Variants in TSPAN14 observed in about 807,000 individuals in gnomAD.
The protein encoded by TSPAN14 is tetraspanin 14.
In TSPAN14, 16 loss-of-function variants were observed where a neutral mutation model predicts 36.6. The ratio of observed to expected loss-of-function variants is 0.44; its 90% CI spans 0.30 to 0.66. The LOEUF (loss-of-function observed/expected upper bound fraction) is 0.66. Among genes scored for constraint, TSPAN14 ranks in the 30% least tolerant of loss-of-function variants. The pLI, the probability that TSPAN14 is intolerant of heterozygous loss-of-function variation, is 0.12. For synonymous variants in TSPAN14, 139 were observed against 143.8 expected, an observed-to-expected ratio of 0.97 and a Z score of 0.24; for missense variants, 231 against 355.1, an observed-to-expected ratio of 0.65 and a Z score of 2.81.
At position 80,509,855 on chromosome 10, in the gene TSPAN14, A is replaced by G. The variant is rs1870138; in HGVS notation, c.450+384A>G. On this transcript the variant is annotated intron_variant, in intron 5 of 8. Transcript: ENST00000429989. The surrounding 1 kb of genome is among the most constrained non-coding windows in gnomAD (Gnocchi z 4.7). ...TCTTCCCCCCGGCTCATGACTCACCATCTGACGCTATTCCTATCCCCTTCC... is the reference window on the plus strand; with the variant it reads ...TCTTCCCCCCGGCTCATGACTCACCGTCTGACGCTATTCCTATCCCCTTCC... 0.84 allele frequency: 147,550 copies of G among 176,140 alleles called. 62,143 individuals are homozygous for G. The highest frequency in any genetic ancestry group is 0.98 in the East Asian group (6,041 of 6,178). The allele number at this position is 176,140 out of a possible 1,614,324, so 10.9% of individuals were successfully genotyped here. A position where few individuals can be genotyped will look rare whatever the true frequency, so the allele number is the denominator to read the frequency against.
chr10:80,514,994 G>T (rs1451961979), intron 7 of TSPAN14, among the ~76,000 whole-genome samples: 1 of 152,120 alleles, frequency 6.6e-6, no homozygotes, highest in African/African-American at 2.4e-5. Context: ...ATTTGCCAGT[G>T]TCCTGATCTT....
chr10:80,456,388 C>CT (rs1845735595), intron 1 of TSPAN14, among the ~76,000 whole-genome samples: 1 of 152,168 alleles, frequency 6.6e-6, no homozygotes, highest in Admixed American at 6.5e-5. Context: ...GTGCTAGTCT[C>CT]TGAGGACTGG....
chr10:80,489,218 T>C (rs1281072192), exon 2 of TSPAN14: 1 of 1,567,394 alleles, frequency 6.4e-7, no homozygotes, highest in Non-Finnish European at 8.7e-7. Context: ...TCTCCGCAGA[T>C]TCTGCTTCTC....
At chr10:80,458,905 G>T (rs1485520796) in intron 1 of TSPAN14, among the ~76,000 whole-genome samples, 3 of 152,110 alleles carry the variant, frequency 2.0e-5, no homozygotes, top group African/African-American at 7.2e-5. Context: ...AGAGTGGACG[G>T]TGGTGAGGCA....
In TSPAN14 at chr10:80,482,852, C is replaced by G. The variant is rs1029049318; in HGVS notation, c.-17-6365C>G. ...TCTGGTTCAAGTGATTCTCCTGCCT[C>G]AGCTTCCCGAGTAGCTGGTATTACA... On this transcript the variant is annotated intron_variant, in intron 1 of 8. Transcript: ENST00000429989. Among the ~76,000 whole-genome samples, 5 of 151,004 alleles carry G rather than the reference C, an allele frequency of 3.3e-5. No individual in the cohort carries two copies. In the Admixed American group the frequency reaches 3.3e-4, roughly 10 times the overall value.
Position 80,500,314 on chromosome 10 carries a change from C to CTTTTTTTTT in TSPAN14, c.82-4390_82-4382dup, listed in dbSNP as rs144759161. Among the ~76,000 whole-genome samples, 52 of 47,890 alleles carry CTTTTTTTTT rather than the reference C, an allele frequency of 1.1e-3. 4 individuals are homozygous for CTTTTTTTTT. Among genetic ancestry groups the CTTTTTTTTT allele is most frequent in the Non-Finnish European group, 1.4e-3 (40 of 27,942 alleles). 31.4% of individuals were successfully genotyped at this position (47,890 alleles called of 152,430 possible). A position where few individuals can be genotyped will look rare whatever the true frequency, so the allele number is the denominator to read the frequency against. ...AATGAAAACAACACAAGGCCTTATT[C>CTTTTTTTTT]TTTTTTTTTTTTTTTTTTTTTTTTT... On this transcript the variant is annotated intron_variant, in intron 2 of 8. Transcript: ENST00000429989.
chr10:80,490,209 A>C (rs920357830), intron 2 of TSPAN14, among the ~76,000 whole-genome samples: 1 of 152,190 alleles, frequency 6.6e-6, no homozygotes, highest in African/African-American at 2.4e-5. Flanking sequence ...GATTTGGGGT[A>C]GAAGGGGTAC....
At chr10:80,483,282 G>A (rs1288095308) in intron 1 of TSPAN14, among the ~76,000 whole-genome samples, 2 of 152,168 alleles carry the variant, frequency 1.3e-5, no homozygotes, top group Non-Finnish European at 2.9e-5. Flanking sequence ...GTAATGGTAA[G>A]TGTGATGCTG....
chr10:80,519,514 A>ATTTTTTTTTTTTTT (rs3049195), exon 9 of TSPAN14: 1 of 146,724 alleles, frequency 6.8e-6, no homozygotes, highest in African/African-American at 2.6e-5. Context: ...GTTGATGATG[A>ATTTTTTTTTTTTTT]TTTTTTTTTT....
chr10:80,516,181 AC>A, intron 7 of TSPAN14, 22 bp from the exon 8 acceptor site: 2 of 1,614,144 alleles, frequency 1.2e-6, no homozygotes, highest in Non-Finnish European at 1.7e-6. Context: ...AAAGGCTCAG[AC>A]CCCTGTGGTG....
At chr10:80,505,187 A>G (rs2132042939) in intron 3 of TSPAN14, among the ~76,000 whole-genome samples, 1 of 152,334 alleles carries the variant, frequency 6.6e-6, no homozygotes, top group Non-Finnish European at 1.5e-5. Context: ...GGGCTGGGTG[A>G]CATGCCCCCA....
chr10:80,508,126 T>TC (rs1301765758), intron 4 of TSPAN14, among the ~76,000 whole-genome samples: 3 of 147,980 alleles, frequency 2.0e-5, no homozygotes, highest in African/African-American at 7.8e-5. Context: ...TTTCTTTTTT[T>TC]TTTTTTTGAT....
chr10:80,479,267 C>G (rs1847104053), intron 1 of TSPAN14, among the ~76,000 whole-genome samples: 1 of 150,448 alleles, frequency 6.6e-6, no homozygotes, highest in Non-Finnish European at 1.5e-5. Flanking sequence ...ATGGTAGTTT[C>G]TTTTGCTGTG....
rs980558444 is a variant in TSPAN14 at position 80,467,277 on chromosome 10, G to A, written c.-18+12906G>A. 5.3e-5 allele frequency among the ~76,000 whole-genome samples: 8 copies of A among 152,224 alleles called. No individual in the cohort carries two copies. In the East Asian group the frequency reaches 1.3e-3, roughly 26 times the overall value. On this transcript the variant is annotated intron_variant, in intron 1 of 8. Coordinates refer to ENST00000429989, the Ensembl canonical transcript of TSPAN14. Reference sequence around the variant, plus strand: ...TTTTTCAGGTTTCTCTGGGGTCCTCGTGGCCAAGAGGGTCTGTTTAGTTGG... The same window carrying A: ...TTTTTCAGGTTTCTCTGGGGTCCTCATGGCCAAGAGGGTCTGTTTAGTTGG...
chr10:80,510,488 T>C (rs1211708885), intron 5 of TSPAN14, among the ~76,000 whole-genome samples: 1 of 152,250 alleles, frequency 6.6e-6, no homozygotes, highest in East Asian at 1.9e-4. Context: ...TCACGTAGCC[T>C]TGGCTTGCCT....
In TSPAN14 at chr10:80,509,509, A is replaced by G. The variant is rs765992990; in HGVS notation, c.450+38A>G. ...CCAGCGGGCCCCCGATAGAGCATGCACCTCCCTGTGCTGCCTGGAGCTGAG... is the reference window on the plus strand; with the variant it reads ...CCAGCGGGCCCCCGATAGAGCATGCGCCTCCCTGTGCTGCCTGGAGCTGAG... On this transcript the variant is annotated intron_variant, in intron 5 of 8. Transcript: ENST00000429989. This position sits in a 1 kb window ranked among gnomAD's most constrained non-coding sequence, Gnocchi z 4.7. 4 of 1,599,746 alleles carry G rather than the reference A, an allele frequency of 2.5e-6. No homozygotes were observed. In the Admixed American group the frequency reaches 5.1e-5, roughly 20 times the overall value.
chr10:80,478,010 G>T (rs531632114), intron 1 of TSPAN14, among the ~76,000 whole-genome samples: 3 of 152,150 alleles, frequency 2.0e-5, no homozygotes, highest in African/African-American at 7.2e-5. Flanking sequence ...AGAGCTTCCA[G>T]CTGGTTCCTG....
chr10:80,479,097 G>A (rs1254531894), intron 1 of TSPAN14, among the ~76,000 whole-genome samples: 2 of 152,240 alleles, frequency 1.3e-5, no homozygotes, highest in African/African-American at 4.8e-5. Context: ...CTTCTTTTGA[G>A]AAGTGTCTGT....
intron 1 of TSPAN14, among the ~76,000 whole-genome samples, chr10:80,474,186 G>C (rs1846721862): frequency 6.6e-6 from 1 of 152,050 alleles, no homozygotes; most frequent in Non-Finnish European, 1.5e-5. Flanking sequence ...CCTGTGATCA[G>C]GTCAGAGGCC....
Sources: gnomAD v4.1 joint callset for allele counts (sites outside exome capture counted in the v4.1 genomes callset) on GRCh38, gnomAD v4.1.1 for gene constraint, Gnocchi (gnomAD v3.1) non-coding constraint, MANE v1.5 for transcripts, NCBI Gene and HGNC (gene_info 2026-07-23, HGNC 2026-07-21) for gene names.